The following PCNX2 variants were observed in gnomAD, a reference collection of about 807,000 sequenced individuals.
PCNX2 encodes the protein pecanex-like protein 2.
In PCNX2, 168 loss-of-function variants were observed where a neutral mutation model predicts 223.8. The ratio of observed to expected loss-of-function variants is 0.75; its 90% confidence interval spans 0.66 to 0.85. The LOEUF (loss-of-function observed/expected upper bound fraction) is 0.85. Ranked by LOEUF, PCNX2 falls within the 40% of genes least tolerant of loss-of-function variation. The pLI, the probability that PCNX2 is intolerant of heterozygous loss-of-function variation, is 0.00. For synonymous variants in PCNX2, 1,006 were observed against 1,052.6 expected (o/e 0.96, Z 0.86); for missense variants, 2,507 against 2,675.5 (o/e 0.94, Z 1.39).
At chr1:233,003,379 C>T (rs370403051) in intron 28 of PCNX2, among the ~76,000 whole-genome samples, 25 of 152,276 alleles carry the variant, frequency 1.6e-4, no homozygotes, top group East Asian at 3.9e-4. Flanking sequence ...GACATTTATG[C>T]GGCCAACAAA....
intron 9 of PCNX2, among the ~76,000 whole-genome samples, chr1:233,231,936 G>A (rs1265523193): frequency 1.3e-5 from 2 of 152,100 alleles, no homozygotes; most frequent in Admixed American, 6.5e-5. Context: ...TCAACCCCCA[G>A]ATGAAATAAT....
At chr1:233,134,884 C>A in intron 21 of PCNX2, 129 bp downstream of exon 21, 2 of 776,040 alleles carry the variant, frequency 2.6e-6, no homozygotes, top group South Asian at 1.8e-5. Flanking sequence ...GTTTAACATA[C>A]ATGTATAATT....
intron 4 of PCNX2, 43 bp from the exon 5 acceptor site, chr1:233,259,387 G>C: frequency 1.9e-6 from 3 of 1,539,924 alleles, no homozygotes; most frequent in Non-Finnish European, 2.6e-6. Context: ...AGAAATGAAT[G>C]AGTAATGCCC....
the PCNX2 span, among the ~76,000 whole-genome samples, chr1:233,318,977 C>A: frequency 6.6e-6 from 1 of 152,162 alleles, no homozygotes; most frequent in Non-Finnish European, 1.5e-5. Flanking sequence ...CCCAAGACTT[C>A]AGCACTGAAT....
chr1:233,151,924 C>G (rs1331869167), intron 19 of PCNX2, among the ~76,000 whole-genome samples: 1 of 152,232 alleles, frequency 6.6e-6, no homozygotes, highest in Non-Finnish European at 1.5e-5. Context: ...TTTGCCTGAG[C>G]TTCTCCAGAC....
intron 15 of PCNX2, among the ~76,000 whole-genome samples, chr1:233,185,565 AAC>A (rs1475431522): frequency 6.6e-6 from 1 of 152,226 alleles, no homozygotes; most frequent in Admixed American, 6.5e-5. Flanking sequence ...CCATCCACAC[AAC>A]AGTGTTTGGA....
chr1:233,134,302 G>A (rs1441919158), intron 21 of PCNX2, among the ~76,000 whole-genome samples: 5 of 152,138 alleles, frequency 3.3e-5, no homozygotes, highest in African/African-American at 1.2e-4. Context: ...GATCAGGCTA[G>A]ATATGGTCAT....
rs371767490 is a variant in PCNX2 at position 233,228,596 on chromosome 1, T to G, written c.2359-1225A>C. ...TGTGACTGGCTTATTCCACTCGGCA[T>G]AGTGTCCTCAAGCTTCATCCATGTT... On this transcript the variant is annotated intron_variant, in intron 9 of 33. Coordinates refer to ENST00000258229, the MANE Select transcript of PCNX2 (RefSeq NM_014801.4). Among the ~76,000 whole-genome samples the G allele has an allele frequency of 5.3e-5, 8 of 152,306 alleles. No individual in the cohort carries two copies. The East Asian group carries it at 7.7e-4, about 15-fold the overall frequency.
intron 21 of PCNX2, among the ~76,000 whole-genome samples, chr1:233,099,058 A>G (rs1469944813): frequency 6.6e-6 from 1 of 152,236 alleles, no homozygotes; most frequent in Non-Finnish European, 1.5e-5. Context: ...CAGAGAAGGA[A>G]ACCAGGCTCA....
the PCNX2 span, among the ~76,000 whole-genome samples, chr1:233,326,193 G>A: frequency 1.3e-5 from 2 of 152,166 alleles, no homozygotes; most frequent in African/African-American, 4.8e-5. Context: ...AACATAACTT[G>A]TATATATATG....
chr1:232,992,175 T>C (rs910681315), intron 32 of PCNX2, among the ~76,000 whole-genome samples: 10 of 152,206 alleles, frequency 6.6e-5, no homozygotes, highest in Non-Finnish European at 1.0e-4. Context: ...CTGCTGGGGA[T>C]AAAAGCCTTG....
chr1:233,262,824 T>C (rs1660128177), intron 2 of PCNX2, 134 bp downstream of exon 2: 6 of 790,244 alleles, frequency 7.6e-6, no homozygotes, highest in Admixed American at 5.6e-5. Flanking sequence ...CTTAAGTATA[T>C]GCTGAAATAT....
intron 7 of PCNX2, among the ~76,000 whole-genome samples, chr1:233,251,704 T>G (rs1659462171): frequency 6.6e-6 from 1 of 152,264 alleles, no homozygotes; most frequent in South Asian, 2.1e-4. Context: ...AGTAACCATA[T>G]AATTTATTCT....
intron 25 of PCNX2, chr1:233,047,358 G>C (rs927326793): frequency 9.2e-6 from 9 of 982,824 alleles, no homozygotes; most frequent in Admixed American, 6.1e-5. Flanking sequence ...AAAAAGCACT[G>C]CAAAATTCTA....
Position 233,016,935 on chromosome 1 carries a change from G to A in PCNX2, c.4825C>T (p.Arg1609Trp), listed in dbSNP as rs188866535. 7.7e-4 allele frequency: 1,227 copies of A among 1,602,910 alleles called. 5 individuals are homozygous for A. Among genetic ancestry groups the A allele is most frequent in the Middle Eastern group, 6.5e-3 (39 of 6,042 alleles). The change falls in exon 27 of 34, where the codon CGG becomes TGG. Residue 1609 changes from arginine to tryptophan, a missense_variant. Arg to Trp is a moderately radical substitution (Grantham distance 101, BLOSUM62 -3). Around this residue, in one of 3 missense-constraint regions of PCNX2, gnomAD observed 1,372 missense variants for 1,509.4 expected, o/e 0.91. Coordinates refer to ENST00000258229, the MANE Select transcript of PCNX2 (RefSeq NM_014801.4). ...CCCTGACCTACCTCTTGTCTTTTCC[G>A]TGCACAGTGTTGAATCCATTCTAGA... ...VYLEWIQHCA[R>W]KRQEPSTTLD... is the part of the protein sequence containing the mutation.
At chr1:233,160,854 T>C (rs1678426291) in intron 18 of PCNX2, among the ~76,000 whole-genome samples, 2 of 152,216 alleles carry the variant, frequency 1.3e-5, no homozygotes, top group Non-Finnish European at 2.9e-5. Flanking sequence ...CACTTTGTTT[T>C]TCTAACTGAA....
rs958511309 is a variant in PCNX2 at position 233,217,786 on chromosome 1, A to T, written c.2691+113T>A. On this transcript the variant is annotated intron_variant, in intron 12 of 33. Coordinates refer to ENST00000258229, the MANE Select transcript of PCNX2 (RefSeq NM_014801.4). ...TATATATTTGATATTTCTATTTTAT[A>T]TTCAGTATAGAGAGCTAGGTACAGA... is the stretch of plus-strand genomic sequence containing the variant. The T allele has an allele frequency of 3.8e-6, 4 of 1,056,664 alleles. No individual in the cohort carries two copies. The African/African-American group carries it at 6.4e-5, about 17-fold the overall frequency. 65.5% of individuals were successfully genotyped at this position (1,056,664 alleles called of 1,614,324 possible). A position where few individuals can be genotyped will look rare whatever the true frequency, so the allele number is the denominator to read the frequency against.
At chr1:233,228,605 C>T (rs1657881614) in intron 9 of PCNX2, among the ~76,000 whole-genome samples, 2 of 152,166 alleles carry the variant, frequency 1.3e-5, no homozygotes, top group African/African-American at 4.8e-5. Flanking sequence ...ATAGTGTCCT[C>T]AAGCTTCATC....
At position 233,196,129 on chromosome 1, in the gene PCNX2, C is replaced by T. The variant is rs78103257; in HGVS notation, c.3066+2810G>A. Among the ~76,000 whole-genome samples the T allele has an allele frequency of 1.9e-3, 287 of 152,146 alleles. 6 individuals are homozygous for T. The highest frequency in any genetic ancestry group is 0.014 in the Admixed American group (210 of 15,288). ...TTCTAAACGTTCCATGATAATTCAACGGAGAAAGGTTAGTGTTTTCAACAA... is the reference window on the plus strand; with the variant it reads ...TTCTAAACGTTCCATGATAATTCAATGGAGAAAGGTTAGTGTTTTCAACAA... On this transcript the variant is annotated intron_variant, in intron 15 of 33. Coordinates refer to ENST00000258229, the MANE Select transcript of PCNX2 (RefSeq NM_014801.4).
Sources: gnomAD v4.1 joint callset for allele counts (sites outside exome capture counted in the v4.1 genomes callset) on GRCh38, gnomAD v4.1.1 for gene constraint, gnomAD v4.1.1 regional missense constraint, MANE v1.5 for transcripts, NCBI Gene and HGNC (gene_info 2026-07-23, HGNC 2026-07-21) for gene names.